The following CADPS2 variants were observed in gnomAD, a reference collection of about 807,000 sequenced individuals.
The protein encoded by CADPS2 is calcium dependent secretion activator 2.
A neutral mutation model predicts 172.5 loss-of-function variants in CADPS2; 93 were observed. The observed-to-expected ratio is 0.54, with a 90% confidence interval of 0.46 to 0.64. The LOEUF is 0.64. Ranked by LOEUF, CADPS2 falls within the 30% of genes least tolerant of loss-of-function variation. The pLI is 0.00. For synonymous variants in CADPS2, 546 were observed against 555.2 expected, an observed-to-expected ratio of 0.98 and a Z score of 0.23; for missense variants, 1,420 against 1,565.9, an observed-to-expected ratio of 0.91 and a Z score of 1.57.
intron 8 of CADPS2, among the ~76,000 whole-genome samples, chr7:122,520,120 A>T (rs986727977): frequency 6.6e-6 from 1 of 152,086 alleles, no homozygotes. Flanking sequence ...TATGAAATCC[A>T]TCAGAATGTT....
chr7:122,320,377 TTA>T, intron 29 of CADPS2, 39 bp from the exon 30 acceptor site: 1 of 1,529,814 alleles, frequency 6.5e-7, no homozygotes, highest in Admixed American at 1.9e-5. Context: ...CTCACTTAGA[TTA>T]TATGCGTGTA....
At chr7:122,700,810 G>A (rs183021436) in intron 2 of CADPS2, among the ~76,000 whole-genome samples, 5 of 152,086 alleles carry the variant, frequency 3.3e-5, no homozygotes, top group Admixed American at 3.3e-4. Flanking sequence ...GAGTCACTAT[G>A]CTAGGATTTA....
At chr7:122,753,877 G>A (rs2093051501) in intron 1 of CADPS2, among the ~76,000 whole-genome samples, 2 of 152,008 alleles carry the variant, frequency 1.3e-5, no homozygotes. Context: ...TACACTGCAG[G>A]TCACCAAAAA....
Position 122,509,956 on chromosome 7 carries a change from T to C in CADPS2, c.1542+3293A>G, listed in dbSNP as rs552185789. Among the ~76,000 whole-genome samples, 48 of 152,254 alleles carry C rather than the reference T, an allele frequency of 3.2e-4. 1 individual carries two copies. The South Asian group carries it at 9.3e-3, about 30-fold the overall frequency. On this transcript the variant is annotated intron_variant, in intron 9 of 29. Coordinates refer to ENST00000449022, the MANE Select transcript of CADPS2 (RefSeq NM_017954.11). ...CTTCAGAATTATTTACTACAGAATATGGAATACCTGGGACATACATTTTTG... is the reference window on the plus strand; with the variant it reads ...CTTCAGAATTATTTACTACAGAATACGGAATACCTGGGACATACATTTTTG...
At chr7:122,682,146 C>T (rs2083121462) in intron 2 of CADPS2, among the ~76,000 whole-genome samples, 1 of 152,108 alleles carries the variant, frequency 6.6e-6, no homozygotes, top group Non-Finnish European at 1.5e-5. Flanking sequence ...GAAGATTTAC[C>T]AAGCCTCTTG....
intron 16 of CADPS2, among the ~76,000 whole-genome samples, chr7:122,440,940 A>G (rs933792876): frequency 1.3e-5 from 2 of 152,176 alleles, no homozygotes; most frequent in Admixed American, 6.5e-5. Flanking sequence ...TATTTTCCTT[A>G]AAAAATGATT....
chr7:122,743,536 C>T (rs2092590162), intron 1 of CADPS2, among the ~76,000 whole-genome samples: 1 of 152,100 alleles, frequency 6.6e-6, no homozygotes, highest in Non-Finnish European at 1.5e-5. Context: ...TAAAGGTGGT[C>T]ACAGTCAGAT....
intron 20 of CADPS2, among the ~76,000 whole-genome samples, chr7:122,398,739 T>TCTCC (rs2045506216): frequency 1.5e-5 from 1 of 65,400 alleles, no homozygotes; most frequent in South Asian, 5.5e-4. Context: ...AAAACACTCT[T>TCTCC]CTCTCTCTCT....
At chr7:122,613,994 T>C (rs1210742073) in intron 6 of CADPS2, among the ~76,000 whole-genome samples, 2 of 151,924 alleles carry the variant, frequency 1.3e-5, no homozygotes, top group African/African-American at 2.4e-5. Flanking sequence ...AAGGGAAGGA[T>C]TATTCTCAGT....
intron 1 of CADPS2, among the ~76,000 whole-genome samples, chr7:122,872,644 A>AG: frequency 6.6e-6 from 1 of 152,202 alleles, no homozygotes; most frequent in Middle Eastern, 3.4e-3. Context: ...ACTAAGCAGT[A>AG]TTTTTAGTTT....
chr7:122,654,514 T>C (rs1398509078), intron 3 of CADPS2, among the ~76,000 whole-genome samples: 2 of 152,218 alleles, frequency 1.3e-5, no homozygotes, highest in East Asian at 3.9e-4. Flanking sequence ...CTAAATCTAC[T>C]TTGCTAGTGC....
At chr7:122,350,045 A>G (rs1344366646) in intron 27 of CADPS2, among the ~76,000 whole-genome samples, 1 of 152,174 alleles carries the variant, frequency 6.6e-6, no homozygotes, top group African/African-American at 2.4e-5. Flanking sequence ...AGTGTAATTG[A>G]CTTAATTTGA....
At chr7:122,407,931 T>G in intron 19 of CADPS2, 1 of 438,364 alleles carries the variant, frequency 2.3e-6, no homozygotes, top group East Asian at 3.7e-5. Context: ...GGACATTTAT[T>G]CCTTTATAAA....
intron 1 of CADPS2, among the ~76,000 whole-genome samples, chr7:122,868,918 C>A (rs1819005074): frequency 6.6e-6 from 1 of 151,966 alleles, no homozygotes; most frequent in African/African-American, 2.4e-5. Context: ...CTCAAAAATT[C>A]AACAGACAGG....
intron 1 of CADPS2, among the ~76,000 whole-genome samples, chr7:122,852,437 A>T (rs1209882551): frequency 6.6e-6 from 1 of 152,244 alleles, no homozygotes; most frequent in Non-Finnish European, 1.5e-5. Flanking sequence ...AGAGGTAATT[A>T]GTGCAAAACA....
At chr7:122,877,882 A>G (rs1821636794) in intron 1 of CADPS2, among the ~76,000 whole-genome samples, 1 of 152,212 alleles carries the variant, frequency 6.6e-6, no homozygotes, top group South Asian at 2.1e-4. Flanking sequence ...CTGAAGGAGT[A>G]GTTAGGTCCC....
chr7:122,769,770 G>A (rs907120702), intron 1 of CADPS2, among the ~76,000 whole-genome samples: 1 of 152,176 alleles, frequency 6.6e-6, no homozygotes, highest in Non-Finnish European at 1.5e-5. Flanking sequence ...ACACAGGTTT[G>A]AACCTACCAA....
At chr7:122,499,410 C>G (rs1304332349) in intron 9 of CADPS2, among the ~76,000 whole-genome samples, 1 of 152,190 alleles carries the variant, frequency 6.6e-6, no homozygotes, top group East Asian at 1.9e-4. Context: ...CATAACCATT[C>G]TAGGTGTTTG....
chr7:122,360,531 A>G (rs1240819493), intron 27 of CADPS2, among the ~76,000 whole-genome samples: 2 of 152,198 alleles, frequency 1.3e-5, no homozygotes, highest in Admixed American at 6.5e-5. Context: ...CTAGAGTGCT[A>G]TAACTTCCCT....
Sources: gnomAD v4.1 joint callset for allele counts (sites outside exome capture counted in the v4.1 genomes callset) on GRCh38, gnomAD v4.1.1 for gene constraint, MANE v1.5 for transcripts, NCBI Gene and HGNC (gene_info 2026-07-23, HGNC 2026-07-21) for gene names.